The following AKAP19 variants were observed in gnomAD, a reference collection of about 807,000 sequenced individuals.
The protein encoded by AKAP19 is A-kinase anchoring protein 19, also known as small A-kinase anchoring protein.
chr2:190,200,266 TAATGTCACTATTATA>T, the AKAP19 span: 1 of 786,834 alleles, frequency 1.3e-6, no homozygotes. Flanking sequence ...GTGTCTACGA[TAATGTCACTATTATA>T]AGAACAACTA....
At chr2:189,916,911 A>G in the AKAP19 span, among the ~76,000 whole-genome samples, 2 of 152,102 alleles carry the variant, frequency 1.3e-5, no homozygotes, top group Non-Finnish European at 2.9e-5. Context: ...GGTTTCATTC[A>G]CCGTATAATT....
At chr2:190,032,215 T>G in the AKAP19 span, among the ~76,000 whole-genome samples, 34 of 152,188 alleles carry the variant, frequency 2.2e-4, no homozygotes, top group Admixed American at 9.8e-4. Context: ...TTACAGGAAT[T>G]TCAGGAATTG....
At chr2:189,940,436 A>G in the AKAP19 span, among the ~76,000 whole-genome samples, 9 of 151,146 alleles carry the variant, frequency 6.0e-5, no homozygotes, top group African/African-American at 1.7e-4. Flanking sequence ...ACGGGGGGGA[A>G]AAAAAGAAAA....
chr2:190,150,019 C>T, the AKAP19 span, among the ~76,000 whole-genome samples: 219 of 152,224 alleles, frequency 1.4e-3, 1 homozygote, highest in African/African-American at 5.1e-3. Context: ...AGTCACAGGC[C>T]TCACCCAGCT....
the AKAP19 span, among the ~76,000 whole-genome samples, chr2:190,040,778 AG>A: frequency 2.0e-5 from 3 of 152,098 alleles, no homozygotes; most frequent in African/African-American, 7.2e-5. Context: ...TTAAATAGAG[AG>A]TCTTTTCCCC....
chr2:190,147,295 A>T, the AKAP19 span, among the ~76,000 whole-genome samples: 1 of 152,188 alleles, frequency 6.6e-6, no homozygotes, highest in Non-Finnish European at 1.5e-5. Flanking sequence ...GCTTTGTCAA[A>T]GATCAGTTGG....
chr2:189,926,467 T>C, the AKAP19 span, among the ~76,000 whole-genome samples: 1 of 151,940 alleles, frequency 6.6e-6, no homozygotes, highest in African/African-American at 2.4e-5. Flanking sequence ...TTTGGGTTTT[T>C]AGTAGAGACG....
At chr2:190,178,485 A>G in the AKAP19 span, among the ~76,000 whole-genome samples, 4 of 151,886 alleles carry the variant, frequency 2.6e-5, no homozygotes, top group African/African-American at 4.8e-5. The surrounding 1 kb of genome is among the most constrained non-coding windows in gnomAD (Gnocchi z 6.3). Flanking sequence ...CTCCTGCTCT[A>G]CTCTCTCCAG....
At chr2:190,180,920 C>G in the AKAP19 span, 1 of 985,230 alleles carries the variant, frequency 1.0e-6, no homozygotes, top group African/African-American at 1.7e-5. The surrounding 1 kb of genome is among the most constrained non-coding windows in gnomAD (Gnocchi z 6.8). Context: ...GCTGCCCTGG[C>G]AGCTGGACTG....
the AKAP19 span, among the ~76,000 whole-genome samples, chr2:189,891,348 CA>C: frequency 0.082 from 12,392 of 150,800 alleles, 687 homozygotes; most frequent in East Asian, 0.19. Context: ...CTCAGCCTCC[CA>C]AGTAGCTGGG....
the AKAP19 span, among the ~76,000 whole-genome samples, chr2:190,090,663 C>T: frequency 6.6e-6 from 1 of 152,152 alleles, no homozygotes; most frequent in African/African-American, 2.4e-5. Context: ...GTTTGTATCC[C>T]TTGCCTGATC....
chr2:190,091,930 TTTTG>T, the AKAP19 span, among the ~76,000 whole-genome samples: 62 of 152,238 alleles, frequency 4.1e-4, 1 homozygote, highest in South Asian at 0.01. Flanking sequence ...ATATTAATAT[TTTTG>T]TTTATCTACT....
the AKAP19 span, chr2:190,200,066 TCTTGTGTGATGC>T: frequency 3.1e-6 from 5 of 1,614,106 alleles, no homozygotes; most frequent in Non-Finnish European, 4.2e-6. Flanking sequence ...TCTCAGGATA[TCTTGTGTGATGC>T]CTTGCAGCAA....
chr2:189,960,536 C>T, the AKAP19 span, among the ~76,000 whole-genome samples: 1 of 152,092 alleles, frequency 6.6e-6, no homozygotes. Flanking sequence ...TTACTAGGAC[C>T]CAAGCTTATG....
the AKAP19 span, among the ~76,000 whole-genome samples, chr2:190,089,242 G>T: frequency 6.6e-6 from 1 of 151,964 alleles, no homozygotes; most frequent in Non-Finnish European, 1.5e-5. Context: ...TTTGTTCTCT[G>T]ATTCTTTTCA....
chr2:190,056,820 G>A, the AKAP19 span: 1 of 182,970 alleles, frequency 5.5e-6, no homozygotes, highest in African/African-American at 2.4e-5. Flanking sequence ...ATAAATTCAA[G>A]TGTTTAAGGA....
the AKAP19 span, among the ~76,000 whole-genome samples, chr2:190,176,151 G>A: frequency 1.3e-5 from 2 of 152,138 alleles, no homozygotes; most frequent in South Asian, 2.1e-4. This position sits in a 1 kb window ranked among gnomAD's most constrained non-coding sequence, Gnocchi z 4.7. Flanking sequence ...CTGCTGGTAG[G>A]TTTACATTTT....
At chr2:190,065,457 A>T in the AKAP19 span, among the ~76,000 whole-genome samples, 1 of 152,132 alleles carries the variant, frequency 6.6e-6, no homozygotes, top group Admixed American at 6.6e-5. Flanking sequence ...TGTTGTGTAT[A>T]TTTACCACAA....
chr2:190,158,954 ACTT>A, the AKAP19 span, among the ~76,000 whole-genome samples: 17 of 152,286 alleles, frequency 1.1e-4, no homozygotes, highest in South Asian at 3.5e-3. Flanking sequence ...AGGTGAAGAG[ACTT>A]CTAAGACAGG....
Sources: allele counts gnomAD v4.1 joint callset (sites outside exome capture counted in the v4.1 genomes callset), GRCh38; gene constraint gnomAD v4.1.1; non-coding constraint Gnocchi (gnomAD v3.1); transcripts MANE v1.5; gene names NCBI Gene and HGNC (gene_info 2026-07-23, HGNC 2026-07-21).